The following GRID2 variants were observed in gnomAD, a reference collection of about 807,000 sequenced individuals.
GRID2 encodes glutamate receptor ionotropic, delta-2.
A neutral mutation model predicts 114.8 loss-of-function variants in GRID2; 33 were observed. That is an observed-to-expected ratio of 0.29 (90% confidence interval 0.22 to 0.38). GRID2 has a LOEUF of 0.38. GRID2 is among the 10% of genes least tolerant of loss of function. The pLI, the probability that GRID2 is intolerant of heterozygous loss-of-function variation, is 1.00. For missense variants in GRID2, 1,184 were observed against 1,257.7 expected (o/e 0.94, Z 0.89); for synonymous variants, 505 against 449.9 (o/e 1.12, Z -1.55).
intron 2 of GRID2, among the ~76,000 whole-genome samples, chr4:92,808,502 A>T (rs1250820638): frequency 6.6e-6 from 1 of 152,084 alleles, no homozygotes; most frequent in East Asian, 1.9e-4. Flanking sequence ...TAGGGGATGT[A>T]AAATTTAAGC....
intron 14 of GRID2, among the ~76,000 whole-genome samples, chr4:93,762,160 T>C (rs2110313749): frequency 6.6e-6 from 1 of 152,256 alleles, no homozygotes; most frequent in African/African-American, 2.4e-5. Context: ...AGAAAATGAA[T>C]TTAATAATGT....
chr4:93,009,418 A>G (rs1721889367), intron 2 of GRID2, among the ~76,000 whole-genome samples: 1 of 152,132 alleles, frequency 6.6e-6, no homozygotes, highest in Non-Finnish European at 1.5e-5. Flanking sequence ...TCAGGAGGAG[A>G]CCACAGTCAT....
intron 4 of GRID2, among the ~76,000 whole-genome samples, chr4:93,179,667 T>C (rs1301666532): frequency 1.3e-5 from 2 of 152,190 alleles, no homozygotes; most frequent in Non-Finnish European, 2.9e-5. Flanking sequence ...AACAATTCAA[T>C]ATGGTAAGAA....
At chr4:92,582,767 C>G (rs1728243026) in intron 1 of GRID2, among the ~76,000 whole-genome samples, 1 of 151,848 alleles carries the variant, frequency 6.6e-6, no homozygotes, top group Non-Finnish European at 1.5e-5. Flanking sequence ...GTGAGGAACA[C>G]TTGAGCTCAG....
At chr4:92,559,203 T>C (rs777831392) in intron 1 of GRID2, among the ~76,000 whole-genome samples, 33 of 152,296 alleles carry the variant, frequency 2.2e-4, no homozygotes, top group Middle Eastern at 3.4e-3. Flanking sequence ...TTTACTAATA[T>C]AGATTTTAAA....
chr4:93,799,818 T>C (rs932789072), intron 1 of GRID2, among the ~76,000 whole-genome samples: 4 of 152,222 alleles, frequency 2.6e-5, no homozygotes, highest in African/African-American at 9.6e-5. Context: ...TTTGTTTTTG[T>C]TTAAAAAGAA....
intron 7 of GRID2, among the ~76,000 whole-genome samples, chr4:93,234,525 C>T (rs1746530354): frequency 6.6e-6 from 1 of 151,780 alleles, no homozygotes; most frequent in Non-Finnish European, 1.5e-5. Context: ...TTATGAATGA[C>T]TATTTGAGTG....
At chr4:92,805,514 C>A (rs546896310) in intron 2 of GRID2, among the ~76,000 whole-genome samples, 1 of 152,118 alleles carries the variant, frequency 6.6e-6, no homozygotes, top group East Asian at 1.9e-4. Flanking sequence ...TGTATATGAT[C>A]AGCGATTTTT....
intron 2 of GRID2, among the ~76,000 whole-genome samples, chr4:92,860,110 T>C (rs1217622380): frequency 6.6e-6 from 1 of 152,134 alleles, no homozygotes; most frequent in Non-Finnish European, 1.5e-5. Context: ...TTTTTTTTTC[T>C]GGACTAAGGC....
intron 2 of GRID2, among the ~76,000 whole-genome samples, chr4:92,779,933 T>G (rs755113012): frequency 6.6e-6 from 1 of 152,156 alleles, no homozygotes; most frequent in African/African-American, 2.4e-5. Context: ...TTGGAATAAT[T>G]AAGATGTTTT....
rs61653263 is a variant in GRID2, at chr4:92,548,401, AT to A, written c.89-41712del. Among the ~76,000 whole-genome samples, 4 of 60,808 alleles carry A rather than the reference AT, an allele frequency of 6.6e-5. 1 individual carries two copies. Among genetic ancestry groups the A allele is most frequent in the African/African-American group, 8.5e-5 (1 of 11,760 alleles). The allele number at this position is 60,808 out of a possible 152,430, so 39.9% of individuals were successfully genotyped here. The stretch of plus-strand genomic sequence containing the variant: ...ATGAAGACATTTCTGAGACTGTGTA[AT>A]TTTTTTTTTTTTTTTTTGAGACAGA... On this transcript the variant is annotated intron_variant, in intron 1 of 15. Coordinates refer to ENST00000282020, the MANE Select transcript of GRID2 (RefSeq NM_001510.4).
chr4:93,592,839 G>C (rs1446998326), intron 13 of GRID2, among the ~76,000 whole-genome samples: 1 of 152,022 alleles, frequency 6.6e-6, no homozygotes, highest in African/African-American at 2.4e-5. Context: ...TTTGATCTTT[G>C]TTGGCTTAAA....
intron 2 of GRID2, among the ~76,000 whole-genome samples, chr4:92,740,074 C>T (rs537191576): frequency 6.6e-6 from 1 of 152,232 alleles, no homozygotes; most frequent in Non-Finnish European, 1.5e-5. Flanking sequence ...GTTTCAATAG[C>T]ATTTTCCTAA....
chr4:92,651,588 T>C lies in GRID2; in HGVS notation c.244+61302T>C, dbSNP rs961587231. Among the ~76,000 whole-genome samples the C allele has an allele frequency of 3.3e-5, 5 of 152,232 alleles. No homozygotes were observed. The East Asian group carries it at 9.7e-4, about 29-fold the overall frequency. ...ACTCAAATATTATTATTTTTCATTCTGAGAGGTCAGTCCACATACTTCCTC... is the reference window on the plus strand; with the variant it reads ...ACTCAAATATTATTATTTTTCATTCCGAGAGGTCAGTCCACATACTTCCTC... On this transcript the variant is annotated intron_variant, in intron 2 of 15. Coordinates refer to ENST00000282020, the MANE Select transcript of GRID2 (RefSeq NM_001510.4).
intron 1 of GRID2, among the ~76,000 whole-genome samples, chr4:92,567,803 C>G (rs377403353): frequency 1.3e-5 from 2 of 152,064 alleles, no homozygotes; most frequent in South Asian, 4.1e-4. Flanking sequence ...CGTATTTTAT[C>G]TATCTATTCA....
intron 13 of GRID2, among the ~76,000 whole-genome samples, chr4:93,605,290 C>A (rs1740114079): frequency 6.6e-6 from 1 of 152,104 alleles, no homozygotes; most frequent in South Asian, 2.1e-4. Flanking sequence ...TGCTCAGTAG[C>A]CATATGTGGC....
At chr4:92,555,034 T>C (rs1726782665) in intron 1 of GRID2, among the ~76,000 whole-genome samples, 1 of 152,176 alleles carries the variant, frequency 6.6e-6, no homozygotes, top group South Asian at 2.1e-4. Flanking sequence ...ATGCAGGGAA[T>C]ATTTTTCAAA....
chr4:93,117,322 C>G (rs1005599762), intron 4 of GRID2, among the ~76,000 whole-genome samples: 2 of 151,838 alleles, frequency 1.3e-5, no homozygotes, highest in Non-Finnish European at 2.9e-5. Context: ...AGAAGAGAAT[C>G]CTATGCTTCT....
intron 13 of GRID2, among the ~76,000 whole-genome samples, chr4:93,582,158 G>A (rs1339964425): frequency 6.6e-6 from 1 of 152,050 alleles, no homozygotes; most frequent in Non-Finnish European, 1.5e-5. Flanking sequence ...CTTCCTGGAG[G>A]TTTTAGGAGA....
Sources: gnomAD v4.1 joint callset for allele counts (sites outside exome capture counted in the v4.1 genomes callset) on GRCh38, gnomAD v4.1.1 for gene constraint, MANE v1.5 for transcripts, NCBI Gene and HGNC (gene_info 2026-07-23, HGNC 2026-07-21) for gene names.